Variants in ZDBF2 observed in about 807,000 individuals in gnomAD.
ZDBF2 encodes DBF4-type zinc finger-containing protein 2.
A neutral mutation model predicts 9.4 loss-of-function variants in ZDBF2; 6 were observed. The observed-to-expected ratio is 0.64, with a 90% CI of 0.35 to 1.27. The LOEUF is 1.27. Ranked by LOEUF, ZDBF2 falls within the 50% of genes most tolerant of loss-of-function variation. The pLI is 0.03. For missense variants in ZDBF2, 2,697 were observed against 2,766.8 expected (o/e 0.97, Z 0.57); for synonymous variants, 905 against 946.3 (o/e 0.96, Z 0.80).
chr2:206,302,657 A>G (rs1355339326), intron 4 of ZDBF2, among the ~76,000 whole-genome samples: 1 of 152,190 alleles, frequency 6.6e-6, no homozygotes, highest in Admixed American at 6.5e-5. Context: ...TGATTGTTGC[A>G]CTGCAGTGTC....
chr2:206,309,294 C>G lies in ZDBF2; in HGVS notation c.4766C>G (p.Ser1589Cys). The part of the protein sequence containing the change: ...GSEVRCNCKA[S>C]TPSMTNQCKE... ...GAAGTCAGATGTAATTGTAAAGCCT[C>G]TACTCCCTCAATGACAAACCAATGC... is the stretch of plus-strand genomic sequence containing the variant. Residue 1589 changes from serine to cysteine, a missense_variant, in exon 5 of 5, where the codon TCT (serine) becomes TGT (cysteine). This residue lies in a region of ZDBF2 where 1,783 missense variants were observed against 1,776.5 expected (regional missense o/e 1.00). Transcript: ENST00000374423. 1 of 1,612,336 alleles carries G rather than the reference C, an allele frequency of 6.2e-7. No homozygotes were observed. The highest frequency in any genetic ancestry group is 2.2e-5 in the East Asian group (1 of 44,844).
chr2:206,305,456 C>T lies in ZDBF2; in HGVS notation c.928C>T (p.Pro310Ser), dbSNP rs1377376150. ...VKSPSKLAVN[P>S]NKTDMPSNKG... Reference sequence around the variant, plus strand: ...ATCTCCTTCCAAATTAGCAGTAAACCCGAATAAAACTGACATGCCTTCTAA... The same window carrying T: ...ATCTCCTTCCAAATTAGCAGTAAACTCGAATAAAACTGACATGCCTTCTAA... Residue 310 changes from proline to serine, a missense_variant, in exon 5 of 5, where the codon CCG (proline) becomes TCG (serine). This residue lies in a region of ZDBF2 where 910 missense variants were observed against 973.6 expected (regional missense o/e 0.93). Coordinates refer to ENST00000374423, the MANE Select transcript of ZDBF2 (RefSeq NM_020923.3). 3.1e-6 allele frequency: 5 copies of T among 1,612,880 alleles called. No homozygotes were observed. The South Asian group carries it at 4.4e-5, about 14-fold the overall frequency.
Position 206,309,009 on chromosome 2 carries a change from G to C in ZDBF2, c.4481G>C (p.Ser1494Thr). The change falls in exon 5 of 5, where the codon AGT (serine) becomes ACT (threonine). Residue 1494 changes from serine (S) to threonine (T), a missense_variant. By Grantham distance (58) the Ser-to-Thr change is moderately conservative (BLOSUM62 1). Coordinates refer to ENST00000374423, the MANE Select transcript of ZDBF2 (RefSeq NM_020923.3). ...VVMEEKTDQP[S>T]DSEMMYDSDV... is the part of the protein sequence containing the mutation. ...ATGGAAGAAAAGACCGATCAACCTA[G>C]TGATTCAGAAATGATGTATGATTCT... 6.2e-7 allele frequency: 1 copy of C among 1,613,852 alleles called. No individual in the cohort carries two copies. Among genetic ancestry groups the C allele is most frequent in the Non-Finnish European group, 8.5e-7 (1 of 1,179,848 alleles).
At chr2:206,288,931 C>G (rs1691741501) in intron 3 of ZDBF2, among the ~76,000 whole-genome samples, 1 of 152,080 alleles carries the variant, frequency 6.6e-6, no homozygotes, top group Non-Finnish European at 1.5e-5. Flanking sequence ...TCAGCAGCAG[C>G]AGATACACAG....
intron 3 of ZDBF2, among the ~76,000 whole-genome samples, chr2:206,290,269 T>C (rs1260769728): frequency 6.6e-6 from 1 of 152,232 alleles, no homozygotes; most frequent in Admixed American, 6.5e-5. Context: ...GTAGCAAAAT[T>C]TGGAATCAGG....
chr2:206,289,404 A>G (rs1691770056), intron 3 of ZDBF2, among the ~76,000 whole-genome samples: 1 of 151,978 alleles, frequency 6.6e-6, no homozygotes, highest in South Asian at 2.1e-4. Flanking sequence ...CTGAGGTACT[A>G]TTTTTCTGGG....
At chr2:206,301,058 A>C (rs1692476955) in intron 4 of ZDBF2, among the ~76,000 whole-genome samples, 1 of 152,298 alleles carries the variant, frequency 6.6e-6, no homozygotes, top group African/African-American at 2.4e-5. Flanking sequence ...CTAATAGGCC[A>C]AAAATGTGTA....
At position 206,310,950 on chromosome 2, in the gene ZDBF2, CAAAGA is replaced by C. The variant is rs767256483; in HGVS notation, c.6430_6434del (p.Arg2144PhefsTer9). The stretch of plus-strand genomic sequence containing the variant: ...AAGGTTCTGCATGCTCGTGAGCTTC[CAAAGA>C]AAAGAAATTTCCAGCTAACATTTTT... On this transcript the variant is annotated frameshift_variant, in exon 5 of 5. Coordinates refer to ENST00000374423, the MANE Select transcript of ZDBF2 (RefSeq NM_020923.3). LOFTEE classifies it low-confidence loss of function (END_TRUNC). 79 of 1,613,508 alleles carry C rather than the reference CAAAGA, an allele frequency of 4.9e-5. No homozygotes were observed. Among genetic ancestry groups the C allele is most frequent in the Non-Finnish European group, 6.0e-5 (71 of 1,179,852 alleles).
chr2:206,308,793 C>T lies in ZDBF2; in HGVS notation c.4265C>T (p.Thr1422Ile). 3.7e-6 allele frequency: 6 copies of T among 1,613,834 alleles called. No individual in the cohort carries two copies. Among genetic ancestry groups the T allele is most frequent in the Non-Finnish European group, 5.1e-6 (6 of 1,179,826 alleles). ...TCTCATATTCCTGTTCAGTTTGTGA[C>T]TGATCAATCTTCTGTACCTGTCAAA... ...YASHIPVQFV[T>I]DQSSVPVKEI... The change falls in exon 5 of 5, where the codon ACT (threonine) becomes ATT (isoleucine). Residue 1422 changes from threonine (T) to isoleucine (I), a missense_variant. Coordinates refer to ENST00000374423, the MANE Select transcript of ZDBF2 (RefSeq NM_020923.3).
chr2:206,291,324 A>T (rs1285977927), intron 3 of ZDBF2, among the ~76,000 whole-genome samples: 1 of 152,104 alleles, frequency 6.6e-6, no homozygotes, highest in Non-Finnish European at 1.5e-5. Flanking sequence ...TTCACAATAG[A>T]GTTTACGCTC....
In ZDBF2 at chr2:206,310,101, A is replaced by G. The variant is rs1693075826; in HGVS notation, c.5573A>G (p.Tyr1858Cys). 1 of 1,613,788 alleles carries G rather than the reference A, an allele frequency of 6.2e-7. No individual in the cohort carries two copies. Among genetic ancestry groups the G allele is most frequent in the Non-Finnish European group, 8.5e-7 (1 of 1,179,842 alleles). The change falls in exon 5 of 5, where the codon TAC (tyrosine) becomes TGC (cysteine). Residue 1858 changes from tyrosine to cysteine, a missense_variant. By Grantham distance (194) the Tyr-to-Cys change is radical. This residue lies in a region of ZDBF2 where 1,783 missense variants were observed against 1,776.5 expected (regional missense o/e 1.00). Transcript: ENST00000374423. The part of the protein sequence containing the change: ...KEFREGRFHC[Y>C]FDDDCETKKV... Reference sequence around the variant, plus strand: ...TTTAGGGAAGGTCGTTTCCACTGTTACTTTGATGATGACTGTGAGACCAAA... The same window carrying G: ...TTTAGGGAAGGTCGTTTCCACTGTTGCTTTGATGATGACTGTGAGACCAAA...
intron 3 of ZDBF2, among the ~76,000 whole-genome samples, chr2:206,290,137 A>C (rs1691812193): frequency 6.6e-6 from 1 of 152,202 alleles, no homozygotes; most frequent in Non-Finnish European, 1.5e-5. Flanking sequence ...TTGCCTTGAC[A>C]TCCTTGTTGA....
Position 206,310,339 on chromosome 2 carries a change from C to T in ZDBF2, c.5811C>T (p.Cys1937=). Residue 1937 remains cysteine, a synonymous_variant, in exon 5 of 5, where the codon TGC becomes TGT. Coordinates refer to ENST00000374423, the MANE Select transcript of ZDBF2 (RefSeq NM_020923.3). ...PKQKGRVASQ[C]QTAKISHSTQ... ...AAAAGGGGCGTGTGGCTTCTCAATG[C>T]CAGACAGCGAAAATCAGCCATAGTA... 1 of 1,613,834 alleles carries T rather than the reference C, an allele frequency of 6.2e-7. No homozygotes were observed. Among genetic ancestry groups the T allele is most frequent in the Non-Finnish European group, 8.5e-7 (1 of 1,179,858 alleles).
At position 206,311,992 on chromosome 2, in the gene ZDBF2, A is replaced by G. The variant is rs1465173929; in HGVS notation, c.*399A>G. ...GAAGGAATTATAATGAATTATGTCA[A>G]CTTTTGAATGGGGTTGACTTAAATG... is the stretch of plus-strand genomic sequence containing the variant. On this transcript the variant is annotated 3_prime_UTR_variant, in exon 5 of 5. Coordinates refer to ENST00000374423, the MANE Select transcript of ZDBF2 (RefSeq NM_020923.3). 3 of 153,222 alleles carry G rather than the reference A, an allele frequency of 2.0e-5. No individual in the cohort carries two copies. Among genetic ancestry groups the G allele is most frequent in the African/African-American group, 4.8e-5 (2 of 41,506 alleles). 9.5% of individuals were successfully genotyped at this position (153,222 alleles called of 1,614,324 possible). A position where few individuals can be genotyped will look rare whatever the true frequency, so the allele number is the denominator to read the frequency against.
Position 206,306,264 on chromosome 2 carries a change from C to G in ZDBF2, c.1736C>G (p.Ser579Cys), listed in dbSNP as rs373440849. 3.7e-6 allele frequency: 6 copies of G among 1,613,394 alleles called. No homozygotes were observed. Among genetic ancestry groups the G allele is most frequent in the Non-Finnish European group, 5.1e-6 (6 of 1,179,784 alleles). ...GTTGATAACTATGGATCGAGTTGTT[C>G]TGAAACAAGTTTTGATTGTGATGTT... ...SLVDNYGSSC[S>C]ETSFDCDVSL... Residue 579 changes from serine to cysteine, a missense_variant, in exon 5 of 5, where the codon TCT becomes TGT. Transcript: ENST00000374423.
chr2:206,311,299 T>C lies in ZDBF2; in HGVS notation c.6771T>C (p.Ser2257=), dbSNP rs201850278. 1 of 1,607,000 alleles carries C rather than the reference T, an allele frequency of 6.2e-7. No individual in the cohort carries two copies. Among genetic ancestry groups the C allele is most frequent in the Non-Finnish European group, 8.5e-7 (1 of 1,176,092 alleles). The change falls in exon 5 of 5, where the codon AGT becomes AGC. Residue 2257 remains serine, a synonymous_variant. Transcript: ENST00000374423. ...TGAAGAAGAAAAAATCTGTTGTCAG[T>C]AGGCTAAAGAAGGCGAAGAGAACAG... ...RYLKKKKSVV[S]RLKKAKRTAK... is the part of the protein sequence containing the mutation.
In ZDBF2 at chr2:206,296,124, T is replaced by C. The variant is rs79742885; in HGVS notation, c.61-1122T>C. Among the ~76,000 whole-genome samples, 821 of 152,300 alleles carry C rather than the reference T, an allele frequency of 5.4e-3. 22 individuals carry two copies. In the East Asian group the frequency reaches 0.091, roughly 17 times the overall value. On this transcript the variant is annotated intron_variant, in intron 3 of 4. Transcript: ENST00000374423. ...TACCCATAACTGCACCACACTGATA[T>C]CTGTACTAGTAAGGTTTGGTGTACA...
chr2:206,292,491 G>A (rs533537776), intron 3 of ZDBF2, among the ~76,000 whole-genome samples: 2 of 152,244 alleles, frequency 1.3e-5, no homozygotes, highest in African/African-American at 4.8e-5. Flanking sequence ...TAGGTTTGAT[G>A]CTTGAATTAC....
chr2:206,306,025 T>G lies in ZDBF2; in HGVS notation c.1497T>G (p.Asp499Glu). 1 of 1,613,546 alleles carries G rather than the reference T, an allele frequency of 6.2e-7. No individual in the cohort carries two copies. Among genetic ancestry groups the G allele is most frequent in the Non-Finnish European group, 8.5e-7 (1 of 1,179,688 alleles). Residue 499 changes from aspartate (D) to glutamate (E), a missense_variant, in exon 5 of 5, where the codon GAT (aspartate) becomes GAG (glutamate). Around this residue, in one of 3 missense-constraint regions of ZDBF2, gnomAD observed 910 missense variants for 973.6 expected, o/e 0.93. Transcript: ENST00000374423. Reference protein sequence around the residue: ...SSSSETNFDCDASPQSTSDYP... With the variant: ...SSSSETNFDCEASPQSTSDYP... The stretch of plus-strand genomic sequence containing the variant: ...GTTCTGAAACGAATTTTGATTGTGA[T>G]GCTTCACCTCAGTCCACTAGTGACT...
Sources: gnomAD v4.1 joint callset for allele counts (sites outside exome capture counted in the v4.1 genomes callset) on GRCh38, gnomAD v4.1.1 for gene constraint, gnomAD v4.1.1 regional missense constraint, MANE v1.5 for transcripts, NCBI Gene and HGNC (gene_info 2026-07-23, HGNC 2026-07-21) for gene names.